The following PPHLN1 variants were observed in gnomAD, a reference collection of about 807,000 sequenced individuals.
PPHLN1 encodes the protein periphilin-1.
PPHLN1 carries 29 observed loss-of-function variants against 51.3 expected under a neutral mutation model. The observed-to-expected ratio is 0.57, with a 90% CI of 0.42 to 0.77. The LOEUF (loss-of-function observed/expected upper bound fraction) is 0.77, where lower values mean the gene tolerates loss of function less well. PPHLN1 is among the 30% of genes least tolerant of loss of function. The pLI is 0.00. For missense variants in PPHLN1, 436 were observed against 438.4 expected (o/e 0.99, Z 0.05); for synonymous variants, 147 against 147.8 (o/e 0.99, Z 0.04).
At chr12:42,416,846 G>A (rs963458448) in intron 9 of PPHLN1, among the ~76,000 whole-genome samples, 15 of 152,144 alleles carry the variant, frequency 9.9e-5, no homozygotes, top group Non-Finnish European at 1.5e-4. Flanking sequence ...ACTGAATTTT[G>A]AAGGTAGAAT....
chr12:42,341,544 CA>C (rs2071498541), intron 2 of PPHLN1, among the ~76,000 whole-genome samples: 1 of 152,114 alleles, frequency 6.6e-6, no homozygotes, highest in Non-Finnish European at 1.5e-5. Context: ...TGAGTTTTGG[CA>C]AACTTATCCT....
intron 9 of PPHLN1, among the ~76,000 whole-genome samples, chr12:42,412,301 G>A (rs568653163): frequency 2.6e-5 from 4 of 152,102 alleles, no homozygotes; most frequent in South Asian, 2.1e-4. Flanking sequence ...GTCTGCCTTC[G>A]CATACTCAAT....
chr12:42,338,339 CT>C (rs1405031713), intron 2 of PPHLN1, among the ~76,000 whole-genome samples: 2 of 152,142 alleles, frequency 1.3e-5, no homozygotes, highest in Non-Finnish European at 2.9e-5. Context: ...TACTTTGGGA[CT>C]GGGGAAAGCA....
chr12:42,446,281 C>G (rs569378830), downstream of PPHLN1: 140 of 1,592,586 alleles, frequency 8.8e-5, no homozygotes, highest in South Asian at 3.7e-4. Context: ...TACATTGCAA[C>G]TCACGCAAGG....
At chr12:42,390,339 C>T (rs2077577732) in intron 7 of PPHLN1, among the ~76,000 whole-genome samples, 1 of 152,112 alleles carries the variant, frequency 6.6e-6, no homozygotes, top group South Asian at 2.1e-4. Context: ...GCTTTACCCA[C>T]CTGGAACACT....
chr12:42,348,708 G>A (rs1395307339), intron 2 of PPHLN1, among the ~76,000 whole-genome samples: 1 of 152,130 alleles, frequency 6.6e-6, no homozygotes, highest in Non-Finnish European at 1.5e-5. Flanking sequence ...GTAATGGATT[G>A]TTATGGTTTA....
rs2079733610 is a variant in PPHLN1 at position 42,410,704 on chromosome 12, A to G, written c.909+11710A>G. On this transcript the variant is annotated intron_variant, in intron 9 of 9. Coordinates refer to ENST00000358314, the MANE Select transcript of PPHLN1 (RefSeq NM_201439.2). Reference sequence around the variant, plus strand: ...TAAGCAGTTAGAAAGTAAAAGAAGCAGCAAAACTGTTTCATTCATTTGGAT... The same window carrying G: ...TAAGCAGTTAGAAAGTAAAAGAAGCGGCAAAACTGTTTCATTCATTTGGAT... Among the ~76,000 whole-genome samples the G allele has an allele frequency of 2.0e-5, 3 of 152,242 alleles. No homozygotes were observed. The South Asian group carries it at 6.2e-4, about 31-fold the overall frequency.
intron 6 of PPHLN1, among the ~76,000 whole-genome samples, chr12:42,386,044 T>C (rs1283945780): frequency 1.3e-5 from 2 of 152,234 alleles, no homozygotes; most frequent in African/African-American, 4.8e-5. Context: ...AAGCCTCTTG[T>C]AGTACCACAA....
At chr12:42,357,986 TTA>T (rs1305783272) in intron 4 of PPHLN1, among the ~76,000 whole-genome samples, 1 of 152,186 alleles carries the variant, frequency 6.6e-6, no homozygotes, top group Non-Finnish European at 1.5e-5. Context: ...GTCTCTGACT[TTA>T]TGTTTCTGAG....
chr12:42,421,565 C>G (rs1447406357), intron 9 of PPHLN1, among the ~76,000 whole-genome samples: 7 of 152,128 alleles, frequency 4.6e-5, no homozygotes, highest in African/African-American at 1.7e-4. Context: ...TCAGGCTGCT[C>G]TCGAACTCCT....
At chr12:42,377,109 T>C (rs2076334279) in intron 5 of PPHLN1, among the ~76,000 whole-genome samples, 2 of 151,852 alleles carry the variant, frequency 1.3e-5, no homozygotes, top group African/African-American at 2.4e-5. Flanking sequence ...TTGCGATTTT[T>C]TTTTTTAAGC....
chr12:42,347,239 T>C (rs2072484729), intron 2 of PPHLN1: 1 of 152,196 alleles, frequency 6.6e-6, no homozygotes, highest in African/African-American at 2.4e-5. Flanking sequence ...TATGTCTTCT[T>C]TGGAGAAATG....
At chr12:42,407,536 T>A (rs925110387) in intron 9 of PPHLN1, among the ~76,000 whole-genome samples, 2 of 152,146 alleles carry the variant, frequency 1.3e-5, no homozygotes, top group African/African-American at 4.8e-5. Flanking sequence ...TAGAAGTGAG[T>A]CACTAAGCCC....
intron 9 of PPHLN1, among the ~76,000 whole-genome samples, chr12:42,418,646 C>T (rs1240954818): frequency 6.6e-6 from 1 of 152,140 alleles, no homozygotes; most frequent in Non-Finnish European, 1.5e-5. Context: ...TAAGCATTCT[C>T]TCTCTGGCCT....
intron 4 of PPHLN1, among the ~76,000 whole-genome samples, chr12:42,356,229 A>G (rs1267529614): frequency 1.3e-5 from 2 of 152,248 alleles, no homozygotes; most frequent in Admixed American, 1.3e-4. Context: ...AAAAGTAGAC[A>G]AGATTCAGTG....
rs764666284 is a variant in PPHLN1, at chr12:42,393,689, G to C, written c.768G>C (p.Glu256Asp). ...ESNLPEISEY[E>D]AGSTAPLFTD... ...ACTTGCCTGAAATTTCTGAGTATGAGGTAAGGCATAATGTCTCCTTTATGT... is the reference window on the plus strand; with the variant it reads ...ACTTGCCTGAAATTTCTGAGTATGACGTAAGGCATAATGTCTCCTTTATGT... The change falls in exon 8 of 10, where the codon GAG becomes GAC. Residue 256 changes from glutamate to aspartate, a missense_variant and splice_region_variant. Transcript: ENST00000358314. The C allele has an allele frequency of 6.3e-7, 1 of 1,597,796 alleles. No individual in the cohort carries two copies. The highest frequency in any genetic ancestry group is 8.5e-7 in the Non-Finnish European group (1 of 1,175,270).
At chr12:42,332,150 GGT>G (rs2069849811) in intron 1 of PPHLN1, among the ~76,000 whole-genome samples, 1 of 152,114 alleles carries the variant, frequency 6.6e-6, no homozygotes, top group Non-Finnish European at 1.5e-5. Context: ...GCTACAGTGA[GGT>G]GTGTTTGCCC....
intron 7 of PPHLN1, among the ~76,000 whole-genome samples, chr12:42,393,101 A>G (rs2077879337): frequency 6.6e-6 from 1 of 152,214 alleles, no homozygotes; most frequent in South Asian, 2.1e-4. Flanking sequence ...AAGTTTAAAA[A>G]TTTTGTGTAA....
chr12:42,359,978 A>G (rs2074441086), intron 4 of PPHLN1, among the ~76,000 whole-genome samples: 1 of 151,826 alleles, frequency 6.6e-6, no homozygotes, highest in African/African-American at 2.4e-5. Context: ...CATGGTGGCA[A>G]ACACCTGTAG....
Sources: gnomAD v4.1 joint callset for allele counts (sites outside exome capture counted in the v4.1 genomes callset) on GRCh38, gnomAD v4.1.1 for gene constraint, MANE v1.5 for transcripts, NCBI Gene and HGNC (gene_info 2026-07-23, HGNC 2026-07-21) for gene names.